PLCE1: variants seen among roughly 807,000 people sequenced by gnomAD.
PLCE1 encodes the protein phospholipase C epsilon 1.
In PLCE1, 119 loss-of-function variants were observed where a neutral mutation model predicts 242.8. That is an observed-to-expected ratio of 0.49 (90% CI 0.42 to 0.57). The LOEUF is 0.57. PLCE1 is among the 20% of genes least tolerant of loss of function. The pLI, the probability that PLCE1 is intolerant of heterozygous loss-of-function variation, is 0.00. For synonymous variants in PLCE1, 945 were observed against 1,017.4 expected (o/e 0.93, Z 1.35); for missense variants, 2,441 against 2,788.8 (o/e 0.88, Z 2.81).
intron 2 of PLCE1, among the ~76,000 whole-genome samples, chr10:94,101,810 C>T (rs768109098): frequency 4.6e-5 from 7 of 152,120 alleles, no homozygotes; most frequent in South Asian, 2.1e-4. Context: ...GGGTCTGGCC[C>T]GGAAGGCCAT....
At chr10:94,006,709 A>C (rs1183127766) in intron 1 of PLCE1, among the ~76,000 whole-genome samples, 1 of 152,232 alleles carries the variant, frequency 6.6e-6, no homozygotes, top group Non-Finnish European at 1.5e-5. Context: ...AGCTCACTTT[A>C]ACATTTTTAT....
intron 4 of PLCE1, among the ~76,000 whole-genome samples, chr10:94,190,603 C>G (rs184363121): frequency 1.2e-3 from 184 of 152,300 alleles, no homozygotes; most frequent in Non-Finnish European, 2.1e-3. Flanking sequence ...GACACCCTAA[C>G]TCAAAAAACA....
At chr10:94,107,216 A>G (rs1590038927) in intron 2 of PLCE1, 1 of 152,288 alleles carries the variant, frequency 6.6e-6, no homozygotes, top group South Asian at 2.1e-4. Context: ...AGTGAGTGTG[A>G]TTAAGAAAGG....
intron 4 of PLCE1, among the ~76,000 whole-genome samples, chr10:94,216,081 T>A (rs932488130): frequency 6.6e-6 from 1 of 152,248 alleles, no homozygotes; most frequent in African/African-American, 2.4e-5. Flanking sequence ...GGCAAGTGAT[T>A]GCTTCAATTT....
At chr10:94,270,438 C>T in intron 17 of PLCE1, 48 bp from the exon 18 acceptor site, 1 of 1,227,340 alleles carries the variant, frequency 8.1e-7, no homozygotes, top group South Asian at 1.2e-5. Flanking sequence ...GCCTTCTGAC[C>T]ACCTTGACAG....
At chr10:94,186,608 C>G (rs914231618) in intron 4 of PLCE1, among the ~76,000 whole-genome samples, 3 of 152,096 alleles carry the variant, frequency 2.0e-5, no homozygotes, top group African/African-American at 7.2e-5. Flanking sequence ...TAATAGAAAG[C>G]CTTATGGCAT....
intron 2 of PLCE1, among the ~76,000 whole-genome samples, chr10:94,070,281 T>C (rs2044314096): frequency 6.6e-6 from 1 of 152,168 alleles, no homozygotes; most frequent in Non-Finnish European, 1.5e-5. Context: ...TTTTTAAACA[T>C]AAAGAAGGAG....
chr10:94,265,323 A>G (rs2051474382), intron 14 of PLCE1, among the ~76,000 whole-genome samples: 2 of 152,206 alleles, frequency 1.3e-5, no homozygotes, highest in Admixed American at 1.3e-4. Context: ...ACCTCTCACC[A>G]ACTTTATGGT....
intron 3 of PLCE1, among the ~76,000 whole-genome samples, chr10:94,167,985 C>T (rs1043347129): frequency 2.0e-5 from 3 of 152,012 alleles, no homozygotes; most frequent in Non-Finnish European, 4.4e-5. Flanking sequence ...CTGCGCCCGA[C>T]CTAGAATGAC....
At chr10:94,066,358 T>G (rs934051814) in intron 2 of PLCE1, among the ~76,000 whole-genome samples, 1 of 152,240 alleles carries the variant, frequency 6.6e-6, no homozygotes, top group Non-Finnish European at 1.5e-5. Context: ...ATTAATTCCT[T>G]AAATAATATT....
At chr10:94,180,014 A>C (rs760205810) in intron 4 of PLCE1, among the ~76,000 whole-genome samples, 1 of 151,950 alleles carries the variant, frequency 6.6e-6, no homozygotes, top group Non-Finnish European at 1.5e-5. Flanking sequence ...TATTATTATG[A>C]TCACCCCCAC....
chr10:94,228,464 A>G (rs1406022977), intron 5 of PLCE1, among the ~76,000 whole-genome samples: 1 of 152,220 alleles, frequency 6.6e-6, no homozygotes, highest in East Asian at 1.9e-4. Flanking sequence ...GGTAGAATTC[A>G]GTGAAATAAT....
intron 4 of PLCE1, among the ~76,000 whole-genome samples, chr10:94,189,607 A>C (rs2048596951): frequency 6.6e-6 from 1 of 152,208 alleles, no homozygotes; most frequent in Non-Finnish European, 1.5e-5. Flanking sequence ...ATCAGGAGAG[A>C]GTTGCAGTAA....
intron 8 of PLCE1, 86 bp from the exon 9 acceptor site, chr10:94,252,230 C>T: frequency 7.9e-7 from 1 of 1,263,624 alleles, no homozygotes; most frequent in Middle Eastern, 1.9e-4. Flanking sequence ...TCTTCCACCT[C>T]TTGGAATTTT....
chr10:94,265,767 G>A, intron 15 of PLCE1, 26 bp from the exon 16 acceptor site: 1 of 1,613,844 alleles, frequency 6.2e-7, no homozygotes, highest in Non-Finnish European at 8.5e-7. Flanking sequence ...TTCCCATGCA[G>A]TCTTAAGAAA....
At chr10:94,262,083 C>T (rs536072616) in intron 13 of PLCE1, among the ~76,000 whole-genome samples, 7 of 150,782 alleles carry the variant, frequency 4.6e-5, no homozygotes, top group African/African-American at 1.7e-4. Context: ...TCACTGCAAC[C>T]GCCGCCTCCT....
intron 3 of PLCE1, chr10:94,137,877 A>G (rs1005270424): frequency 4.0e-5 from 12 of 300,686 alleles, no homozygotes; most frequent in African/African-American, 2.5e-4. Flanking sequence ...TACAGTCTCC[A>G]CTGAAAAATG....
chr10:94,117,632 G>A (rs569731860), intron 2 of PLCE1, among the ~76,000 whole-genome samples: 30 of 152,292 alleles, frequency 2.0e-4, no homozygotes, highest in African/African-American at 6.7e-4. Flanking sequence ...CTAGATCATG[G>A]TGGGTATAAA....
chr10:94,065,491 C>T (rs1352244186), intron 2 of PLCE1, among the ~76,000 whole-genome samples: 1 of 152,084 alleles, frequency 6.6e-6, no homozygotes, highest in African/African-American at 2.4e-5. Flanking sequence ...AGACATGACC[C>T]GTGGATTATC....
Sources: allele counts gnomAD v4.1 joint callset (sites outside exome capture counted in the v4.1 genomes callset), GRCh38; gene constraint gnomAD v4.1.1; transcripts MANE v1.5; gene names NCBI Gene and HGNC (gene_info 2026-07-23, HGNC 2026-07-21).